Variants in SARNP observed in about 807,000 individuals in gnomAD.
SARNP encodes the protein SAP domain-containing ribonucleoprotein.
A neutral mutation model predicts 38.1 loss-of-function variants in SARNP; 5 were observed. The ratio of observed to expected loss-of-function variants is 0.13; its 90% CI spans 0.07 to 0.28. The LOEUF (loss-of-function observed/expected upper bound fraction) is 0.28. Among genes scored for constraint, SARNP ranks in the 10% least tolerant of loss-of-function variants. The probability of loss-of-function intolerance (pLI) is 1.00; values close to 1 mark genes in which losing one functional copy is unlikely to be tolerated. For synonymous variants in SARNP, 84 were observed against 80.6 expected, an observed-to-expected ratio of 1.04 and a Z score of -0.23; for missense variants, 180 against 243.9, an observed-to-expected ratio of 0.74 and a Z score of 1.75.
chr12:55,760,501 C>G, intron 10 of SARNP, 50 bp downstream of exon 10: 1 of 969,028 alleles, frequency 1.0e-6, no homozygotes, highest in Admixed American at 1.8e-5. Flanking sequence ...TCAGTTTATT[C>G]ACTCTAATTT....
intron 1 of SARNP, among the ~76,000 whole-genome samples, chr12:55,814,719 A>C (rs897526615): frequency 6.6e-6 from 1 of 152,066 alleles, no homozygotes. Flanking sequence ...AAATACAAAA[A>C]TTAGCCAGGC....
Position 55,765,427 on chromosome 12 carries a change from G to A in SARNP, c.502-4787C>T, listed in dbSNP as rs920318817. On this transcript the variant is annotated intron_variant, in intron 9 of 10. Coordinates refer to ENST00000336133, the MANE Select transcript of SARNP (RefSeq NM_033082.4). ...TAGCATGATCATGGCTCACTGTAAT[G>A]TTGAATCCCTGGGCTCAAGTAATCC... 1.7e-4 allele frequency among the ~76,000 whole-genome samples: 26 copies of A among 152,024 alleles called. 1 individual carries two copies. Among genetic ancestry groups the A allele is most frequent in the Admixed American group, 1.7e-3 (26 of 15,256 alleles).
intron 1 of SARNP, among the ~76,000 whole-genome samples, chr12:55,810,605 A>T (rs1880297828): frequency 6.6e-6 from 1 of 151,618 alleles, no homozygotes. Flanking sequence ...GGCGTGCACC[A>T]CCATGCCCAG....
chr12:55,752,726 G>A (rs955907097), downstream of SARNP: 3 of 152,112 alleles, frequency 2.0e-5, no homozygotes, highest in Admixed American at 6.5e-5. Flanking sequence ...TTCCTGGAGG[G>A]AACCACTGCA....
At chr12:55,780,304 A>G (rs1879303344) in intron 9 of SARNP, among the ~76,000 whole-genome samples, 1 of 151,970 alleles carries the variant, frequency 6.6e-6, no homozygotes, top group Admixed American at 6.6e-5. Flanking sequence ...CACACAAAAA[A>G]TTAGCCGGGC....
intron 5 of SARNP, among the ~76,000 whole-genome samples, chr12:55,795,424 G>A (rs748456400): frequency 1.3e-5 from 2 of 151,890 alleles, no homozygotes; most frequent in African/African-American, 4.8e-5. Flanking sequence ...AAACAAAAGG[G>A]AGAAATAAAG....
At chr12:55,803,212 G>A (rs111392377) in intron 2 of SARNP, among the ~76,000 whole-genome samples, 4 of 152,126 alleles carry the variant, frequency 2.6e-5, no homozygotes, top group African/African-American at 4.8e-5. Context: ...GGCTGGGCGC[G>A]GTGGCTCACA....
chr12:55,768,781 T>C (rs965587049), intron 9 of SARNP, among the ~76,000 whole-genome samples: 8 of 152,166 alleles, frequency 5.3e-5, no homozygotes, highest in African/African-American at 1.7e-4. Context: ...TGCAGTGCAA[T>C]GGCACGATCT....
chr12:55,760,719 T>C lies in SARNP; in HGVS notation c.502-79A>G. On this transcript the variant is annotated intron_variant, in intron 9 of 10. Transcript: ENST00000336133. ...AAATGGGAATGAAATGATAACTTAT[T>C]GGTCACAAGGTGCTAACCAACCCTG... is the stretch of plus-strand genomic sequence containing the variant. 3 of 998,812 alleles carry C rather than the reference T, an allele frequency of 3.0e-6. No homozygotes were observed. The Admixed American group carries it at 5.3e-5, about 18-fold the overall frequency. The allele number at this position is 998,812 out of a possible 1,614,324, so 61.9% of individuals were successfully genotyped here.
intron 9 of SARNP, among the ~76,000 whole-genome samples, chr12:55,784,410 A>G (rs1879429344): frequency 6.6e-6 from 1 of 152,188 alleles, no homozygotes; most frequent in Non-Finnish European, 1.5e-5. Context: ...TAAGCACAAG[A>G]ACTAGGCAAT....
Position 55,806,598 on chromosome 12 carries a change from G to C in SARNP, c.37-2870C>G, listed in dbSNP as rs561662643. Among the ~76,000 whole-genome samples the C allele has an allele frequency of 9.2e-5, 14 of 152,246 alleles. 1 individual carries two copies. Among genetic ancestry groups the C allele is most frequent in the African/African-American group, 3.1e-4 (13 of 41,540 alleles). ...GAAAAAAAAAATTTCTTGAGACGGA[G>C]TCTCGCTCTATCACCCATGCTGGAG... On this transcript the variant is annotated intron_variant, in intron 1 of 10. Coordinates refer to ENST00000336133, the MANE Select transcript of SARNP (RefSeq NM_033082.4).
chr12:55,777,878 A>G (rs1879228674), intron 9 of SARNP, among the ~76,000 whole-genome samples: 2 of 152,228 alleles, frequency 1.3e-5, no homozygotes, highest in South Asian at 4.1e-4. Context: ...GTTAGGAGAG[A>G]GAAAAATTCC....
intron 1 of SARNP, among the ~76,000 whole-genome samples, chr12:55,809,847 C>G (rs1180446932): frequency 6.6e-6 from 1 of 151,744 alleles, no homozygotes; most frequent in African/African-American, 2.4e-5. Flanking sequence ...TGTGTATAAA[C>G]AAGATGCCTG....
At chr12:55,756,823 T>C (rs1878519006), downstream of SARNP, 1 of 152,270 alleles carries the variant, frequency 6.6e-6, no homozygotes, top group Non-Finnish European at 1.5e-5. Flanking sequence ...CTGAACTGAC[T>C]GACCAACATA....
At chr12:55,762,009 A>G (rs1157210359) in intron 9 of SARNP, 5 of 152,264 alleles carry the variant, frequency 3.3e-5, no homozygotes, top group Non-Finnish European at 7.3e-5. Flanking sequence ...AGTTCAAACA[A>G]GGGCACAGTG....
chr12:55,807,682 CG>C (rs1404058198), intron 1 of SARNP, among the ~76,000 whole-genome samples: 1 of 150,740 alleles, frequency 6.6e-6, no homozygotes, highest in Non-Finnish European at 1.5e-5. Context: ...GGCGCGGTGG[CG>C]GGCGCCTGTA....
downstream of SARNP, chr12:55,757,090 G>C (rs932320417): frequency 4.6e-5 from 7 of 153,226 alleles, no homozygotes; most frequent in African/African-American, 1.4e-4. Flanking sequence ...AAAAATGCTT[G>C]TGAGTATGAC....
chr12:55,765,910 T>C (rs1565671028), intron 9 of SARNP, among the ~76,000 whole-genome samples: 1 of 152,116 alleles, frequency 6.6e-6, no homozygotes, highest in Non-Finnish European at 1.5e-5. Context: ...ACTTGACCCT[T>C]CTAGCGTGAC....
Position 55,803,613 on chromosome 12 carries a change from T to A in SARNP, c.136+16A>T, listed in dbSNP as rs754326830. On this transcript the variant is annotated intron_variant, in intron 2 of 10. Transcript: ENST00000336133. ...ATCCCCTCACTCACATCACTCCGCC[T>A]CCACAAAGTACTCACCATGTTCTTC... 6.6e-7 allele frequency: 1 copy of A among 1,516,852 alleles called. No homozygotes were observed. The highest frequency in any genetic ancestry group is 1.2e-5 in the South Asian group (1 of 82,558). 94.0% of individuals were successfully genotyped at this position (1,516,852 alleles called of 1,614,324 possible). A position where few individuals can be genotyped will look rare whatever the true frequency, so the allele number is the denominator to read the frequency against.
Sources: allele counts gnomAD v4.1 joint callset (sites outside exome capture counted in the v4.1 genomes callset), GRCh38; gene constraint gnomAD v4.1.1; transcripts MANE v1.5; gene names NCBI Gene and HGNC (gene_info 2026-07-23, HGNC 2026-07-21).